PPP1R10: variants seen among roughly 807,000 people sequenced by gnomAD.
PPP1R10 encodes the protein serine/threonine-protein phosphatase 1 regulatory subunit 10.
In PPP1R10, 15 loss-of-function variants were observed where a neutral mutation model predicts 99.0. The ratio of observed to expected loss-of-function variants is 0.15; its 90% CI spans 0.10 to 0.23. The LOEUF (loss-of-function observed/expected upper bound fraction) is 0.23, where lower values mean the gene tolerates loss of function less well. PPP1R10 is among the 10% of genes least tolerant of loss of function. The pLI is 1.00. For missense variants in PPP1R10, 947 were observed against 1,259.4 expected, an observed-to-expected ratio of 0.75 and a Z score of 3.75; for synonymous variants, 430 against 449.5, an observed-to-expected ratio of 0.96 and a Z score of 0.55.
chr6:30,615,563 G>A (rs1218126540), intron 2 of PPP1R10, among the ~76,000 whole-genome samples: 5 of 152,124 alleles, frequency 3.3e-5, no homozygotes, highest in African/African-American at 7.2e-5. Flanking sequence ...TTGAAGCAGG[G>A]AAGAAAAAAA....
chr6:30,602,445 G>T lies in PPP1R10; in HGVS notation c.2204C>A (p.Pro735Gln), dbSNP rs912204404. Residue 735 changes from proline (P) to glutamine (Q), a missense_variant, in exon 19 of 20, where the codon CCA becomes CAA. Coordinates refer to ENST00000376511, the MANE Select transcript of PPP1R10 (RefSeq NM_002714.4). This position sits in a 1 kb window ranked among gnomAD's most constrained non-coding sequence, Gnocchi z 6.7. ...CCCACCAGGGCCCCCTCGTCCATTT[G>T]GGGGTCCTCCTCCAGAGCGACCTCC... ...ARGGRSGGGP[P>Q]NGRGGPGGGM... 6.2e-7 allele frequency: 1 copy of T among 1,603,448 alleles called. No homozygotes were observed. Among genetic ancestry groups the T allele is most frequent in the African/African-American group, 1.3e-5 (1 of 74,528 alleles).
At chr6:30,607,933 C>T in intron 5 of PPP1R10, 42 bp from the exon 6 acceptor site, 1 of 1,583,756 alleles carries the variant, frequency 6.3e-7, no homozygotes, top group Non-Finnish European at 8.6e-7. Context: ...TGCCAGGAGG[C>T]AAATAATTCC....
chr6:30,601,561 G>C lies in PPP1R10; in HGVS notation c.2811C>G (p.Pro937=). ...AGGCAAATGGTCCCTAGGGCAGGGG[G>C]GGCCCATTGACACCCGGGTGGTAGA... The part of the protein sequence containing the change: ...CAFYHPGVNG[P]PLP The change falls in exon 20 of 20, where the codon CCC becomes CCG. Residue 937 remains proline (P), a synonymous_variant. Coordinates refer to ENST00000376511, the MANE Select transcript of PPP1R10 (RefSeq NM_002714.4). 1 of 1,614,050 alleles carries C rather than the reference G, an allele frequency of 6.2e-7. No homozygotes were observed. Among genetic ancestry groups the C allele is most frequent in the South Asian group, 1.1e-5 (1 of 91,086 alleles).
chr6:30,602,259 T>C lies in PPP1R10; in HGVS notation c.2390A>G (p.His797Arg). 5 of 1,611,714 alleles carry C rather than the reference T, an allele frequency of 3.1e-6. No homozygotes were observed. Among genetic ancestry groups the C allele is most frequent in the Non-Finnish European group, 4.2e-6 (5 of 1,179,362 alleles). ...ACCGCCAGGGCCTTCGTGGGGACGA[T>C]GTCCTCCACCCCCACCCATGCTACC... ...PGGSMGGGGG[H>R]RPHEGPGGGI... The change falls in exon 19 of 20, where the codon CAT becomes CGT. Residue 797 changes from histidine to arginine, a missense_variant. Physicochemically the swap from His to Arg is conservative, Grantham distance 29. Transcript: ENST00000376511. This position sits in a 1 kb window ranked among gnomAD's most constrained non-coding sequence, Gnocchi z 6.7.
At chr6:30,611,895 G>A (rs1804596541) in intron 2 of PPP1R10, among the ~76,000 whole-genome samples, 1 of 152,198 alleles carries the variant, frequency 6.6e-6, no homozygotes, top group Non-Finnish European at 1.5e-5. Context: ...CCACTCAAGT[G>A]TGGTGATTCC....
Position 30,601,313 on chromosome 6 carries a change from TCAG to T in PPP1R10, c.*233_*235del. The T allele has an allele frequency of 3.7e-6, 2 of 545,020 alleles. No individual in the cohort carries two copies. The highest frequency in any genetic ancestry group is 6.5e-6 in the Non-Finnish European group (2 of 307,244). 33.8% of individuals were successfully genotyped at this position (545,020 alleles called of 1,614,324 possible). On this transcript the variant is annotated 3_prime_UTR_variant, in exon 20 of 20. Transcript: ENST00000376511. ...AAGTGAAGCCAACTGGGTCTCCTCT[TCAG>T]CAGTCCAGGAACGTTTCCAGTCTCT...
At chr6:30,607,499 C>T (rs1440293101) in intron 6 of PPP1R10, among the ~76,000 whole-genome samples, 1 of 152,158 alleles carries the variant, frequency 6.6e-6, no homozygotes, top group African/African-American at 2.4e-5. Flanking sequence ...CATAATTTAT[C>T]ATTTAGTAAT....
At chr6:30,613,046 C>A (rs760973663) in intron 2 of PPP1R10, among the ~76,000 whole-genome samples, 95 of 152,188 alleles carry the variant, frequency 6.2e-4, no homozygotes, top group Admixed American at 9.8e-4. Flanking sequence ...CCTACCTCCA[C>A]CTCATCCTAA....
chr6:30,610,681 G>C lies in PPP1R10; in HGVS notation c.-11-726C>G, dbSNP rs575011369. Among the ~76,000 whole-genome samples the C allele has an allele frequency of 3.3e-5, 5 of 152,280 alleles. No individual in the cohort carries two copies. The East Asian group carries it at 9.6e-4, about 29-fold the overall frequency. ...GCCAAACACTACACAAGTTTTTACTGTCTCTAAGTTAAAAGGAAGCTAGTG... is the reference window on the plus strand; with the variant it reads ...GCCAAACACTACACAAGTTTTTACTCTCTCTAAGTTAAAAGGAAGCTAGTG... On this transcript the variant is annotated intron_variant, in intron 2 of 19. Coordinates refer to ENST00000376511, the MANE Select transcript of PPP1R10 (RefSeq NM_002714.4).
rs1804362652 is a variant in PPP1R10 at position 30,609,829 on chromosome 6, A to C, written c.107+9T>G. 1 of 1,606,958 alleles carries C rather than the reference A, an allele frequency of 6.2e-7. No individual in the cohort carries two copies. Among genetic ancestry groups the C allele is most frequent in the Non-Finnish European group, 8.5e-7 (1 of 1,173,468 alleles). On this transcript the variant is annotated intron_variant, in intron 3 of 19. Transcript: ENST00000376511. The surrounding 1 kb of genome is among the most constrained non-coding windows in gnomAD (Gnocchi z 4.5). ...CTCACAGTGAATACAAAAAGGGGTAAAGACTCACCTGAAGATCTTGGAAAT... is the reference window on the plus strand; with the variant it reads ...CTCACAGTGAATACAAAAAGGGGTACAGACTCACCTGAAGATCTTGGAAAT...
Position 30,602,104 on chromosome 6 carries a change from C to A in PPP1R10, c.2545G>T (p.Glu849Ter). ...TGGGGCCCCCCGTGTCCAGGGCCTT[C>A]ATGGGGACGATGTCCACCACTTCCA... ...MGGSGGHRPH[E>*]GPGHGGPHGH... The change falls in exon 19 of 20, where the codon GAA becomes TAA. Residue 849 changes from glutamate (E) to a stop codon, truncating the protein, a stop_gained. Transcript: ENST00000376511. LOFTEE classifies it high-confidence loss of function. The surrounding 1 kb of genome is among the most constrained non-coding windows in gnomAD (Gnocchi z 6.7). The A allele has an allele frequency of 6.3e-7, 1 of 1,599,332 alleles. No individual in the cohort carries two copies. The highest frequency in any genetic ancestry group is 8.5e-7 in the Non-Finnish European group (1 of 1,172,026).
Position 30,606,730 on chromosome 6 carries a change from C to T in PPP1R10, c.460+49G>A, listed in dbSNP as rs1254768081. ...GACTGGGAGCACCTAAAGGCCACAT[C>T]CCAATAGGAAAGAAATAAATACAAA... On this transcript the variant is annotated intron_variant, in intron 7 of 19. Coordinates refer to ENST00000376511, the MANE Select transcript of PPP1R10 (RefSeq NM_002714.4). This position sits in a 1 kb window ranked among gnomAD's most constrained non-coding sequence, Gnocchi z 6.3. The T allele has an allele frequency of 1.2e-6, 2 of 1,609,712 alleles. No individual in the cohort carries two copies. Among genetic ancestry groups the T allele is most frequent in the Non-Finnish European group, 1.7e-6 (2 of 1,176,062 alleles).
chr6:30,612,896 T>C (rs1004828394), intron 2 of PPP1R10, among the ~76,000 whole-genome samples: 1 of 152,202 alleles, frequency 6.6e-6, no homozygotes, highest in African/African-American at 2.4e-5. Flanking sequence ...ACTCAAGATC[T>C]GGAGTCTAGA....
chr6:30,601,872 C>T, intron 19 of PPP1R10, 64 bp downstream of exon 19: 1 of 1,448,728 alleles, frequency 6.9e-7, no homozygotes, highest in Non-Finnish European at 9.1e-7. Flanking sequence ...GTGACTCTCA[C>T]CCACTCCCCA....
Position 30,601,525 on chromosome 6 carries a change from G to A in PPP1R10, c.*24C>T. On this transcript the variant is annotated 3_prime_UTR_variant, in exon 20 of 20. Coordinates refer to ENST00000376511, the MANE Select transcript of PPP1R10 (RefSeq NM_002714.4). ...CGAGGCTGCAGTCCACAGGGGTTGT[G>A]TGAACAGGGCAGGCAAATGGTCCCT... The A allele has an allele frequency of 6.3e-7, 1 of 1,597,890 alleles. No individual in the cohort carries two copies. Among genetic ancestry groups the A allele is most frequent in the Non-Finnish European group, 8.6e-7 (1 of 1,165,506 alleles).
Position 30,606,781 on chromosome 6 carries a change from G to A in PPP1R10, c.458C>T (p.Ala153Val). 1.2e-6 allele frequency: 2 copies of A among 1,613,906 alleles called. No individual in the cohort carries two copies. The highest frequency in any genetic ancestry group is 1.7e-6 in the Non-Finnish European group (2 of 1,179,804). The change falls in exon 7 of 20, where the codon GCT becomes GTT. Residue 153 changes from alanine (A) to valine (V), a missense_variant and splice_region_variant. This residue lies in a region of PPP1R10 where 92 missense variants were observed against 159.2 expected (regional missense o/e 0.58). Transcript: ENST00000376511. This position sits in a 1 kb window ranked among gnomAD's most constrained non-coding sequence, Gnocchi z 6.3. ...GGATAAAGGACTAAGGAGCTTACCA[G>A]CAGGCTGGGTACTGCTCTGAGAGCG... Reference protein sequence around the residue: ...VIRSQSSTQPAEKDKKKRKDE... With the variant: ...VIRSQSSTQPVEKDKKKRKDE...
At position 30,602,397 on chromosome 6, in the gene PPP1R10, T is replaced by C; in HGVS notation, c.2252A>G (p.His751Arg). The change falls in exon 19 of 20, where the codon CAT becomes CGT. Residue 751 changes from histidine to arginine, a missense_variant. His to Arg is a conservative substitution (Grantham distance 29). This residue lies in a region of PPP1R10 where 525 missense variants were observed against 578.8 expected (regional missense o/e 0.91). Coordinates refer to ENST00000376511, the MANE Select transcript of PPP1R10 (RefSeq NM_002714.4). The surrounding 1 kb of genome is among the most constrained non-coding windows in gnomAD (Gnocchi z 6.7). ...PGGGMVGGGG[H>R]RPHEGPGGGM... The stretch of plus-strand genomic sequence containing the variant: ...CCCACCAGGGCCTTCGTGAGGACGA[T>C]GCCCACCACCTCCAACCATGCCCCC... 1 of 1,611,280 alleles carries C rather than the reference T, an allele frequency of 6.2e-7. No individual in the cohort carries two copies. Among genetic ancestry groups the C allele is most frequent in the Non-Finnish European group, 8.5e-7 (1 of 1,179,466 alleles).
At chr6:30,612,908 T>C (rs1056672490) in intron 2 of PPP1R10, among the ~76,000 whole-genome samples, 4 of 152,236 alleles carry the variant, frequency 2.6e-5, no homozygotes, top group Admixed American at 6.5e-5. Context: ...GAGTCTAGAA[T>C]GAAAGCTTAA....
intron 2 of PPP1R10, among the ~76,000 whole-genome samples, chr6:30,613,484 G>C (rs1196007828): frequency 1.3e-5 from 2 of 152,168 alleles, no homozygotes; most frequent in Non-Finnish European, 2.9e-5. Context: ...ACTGAATTAT[G>C]TCTCTCAGGT....
Sources: allele counts gnomAD v4.1 joint callset (sites outside exome capture counted in the v4.1 genomes callset), GRCh38; gene constraint gnomAD v4.1.1; regional missense constraint gnomAD v4.1.1; non-coding constraint Gnocchi (gnomAD v3.1); transcripts MANE v1.5; gene names NCBI Gene and HGNC (gene_info 2026-07-23, HGNC 2026-07-21).